The following ELOVL6 variants were observed in gnomAD, a reference collection of about 807,000 sequenced individuals.
ELOVL6 encodes the protein ELOVL fatty acid elongase 6.
In ELOVL6, 8 loss-of-function variants were observed where a neutral mutation model predicts 31.7. That is an observed-to-expected ratio of 0.25 (90% CI 0.15 to 0.45). ELOVL6 has a LOEUF of 0.45. Among genes scored for constraint, ELOVL6 ranks in the 20% least tolerant of loss-of-function variants. The pLI is 1.00. For synonymous variants in ELOVL6, 101 were observed against 117.7 expected (o/e 0.86, Z 0.92); for missense variants, 126 against 326.4 (o/e 0.39, Z 4.73).
intron 1 of ELOVL6, among the ~76,000 whole-genome samples, chr4:110,150,565 C>G (rs1372512436): frequency 6.6e-6 from 1 of 151,994 alleles, no homozygotes; most frequent in Non-Finnish European, 1.5e-5. Flanking sequence ...AAAATATTGT[C>G]AAAAATACTC....
At chr4:110,096,802 C>A (rs1756591439) in intron 2 of ELOVL6, among the ~76,000 whole-genome samples, 2 of 151,968 alleles carry the variant, frequency 1.3e-5, no homozygotes, top group African/African-American at 4.8e-5. Context: ...TATGTTACTG[C>A]ATGTATAGGT....
intron 1 of ELOVL6, among the ~76,000 whole-genome samples, chr4:110,144,935 T>C (rs72900532): frequency 6.6e-6 from 1 of 152,058 alleles, no homozygotes; most frequent in Non-Finnish European, 1.5e-5. Context: ...CAATCACCTC[T>C]CTTTTTCTGG....
chr4:110,157,640 C>T (rs1758488500), intron 1 of ELOVL6, among the ~76,000 whole-genome samples: 1 of 151,312 alleles, frequency 6.6e-6, no homozygotes. Flanking sequence ...CACTGCACTC[C>T]AGCCTGGGTG....
At chr4:110,197,671 A>G (rs1759849942) in intron 1 of ELOVL6, among the ~76,000 whole-genome samples, 3 of 152,032 alleles carry the variant, frequency 2.0e-5, no homozygotes, top group Admixed American at 2.0e-4. Context: ...GGTACTAAAA[A>G]GGGGGCATCC....
intron 1 of ELOVL6, among the ~76,000 whole-genome samples, chr4:110,148,820 T>C (rs1415463302): frequency 6.6e-6 from 1 of 152,080 alleles, no homozygotes; most frequent in Non-Finnish European, 1.5e-5. Context: ...AAATAACAGA[T>C]GTTGGTAAGG....
At chr4:110,191,592 A>G (rs893635420) in intron 1 of ELOVL6, among the ~76,000 whole-genome samples, 1 of 152,214 alleles carries the variant, frequency 6.6e-6, no homozygotes, top group African/African-American at 2.4e-5. Flanking sequence ...ATTTCAGAAA[A>G]TAAAATACTT....
intron 1 of ELOVL6, among the ~76,000 whole-genome samples, chr4:110,157,560 A>G (rs1758486161): frequency 7.2e-6 from 1 of 138,954 alleles, no homozygotes; most frequent in Non-Finnish European, 1.7e-5. Context: ...AGTCCCAGCT[A>G]CTCATGAGGC....
At chr4:110,186,705 A>C (rs1224337186) in intron 1 of ELOVL6, among the ~76,000 whole-genome samples, 1 of 150,324 alleles carries the variant, frequency 6.7e-6, no homozygotes, top group Non-Finnish European at 1.5e-5. Context: ...TCAGGAAGCT[A>C]AGGTGGGAGA....
intron 2 of ELOVL6, among the ~76,000 whole-genome samples, chr4:110,078,935 C>T (rs544376317): frequency 7.3e-4 from 111 of 152,228 alleles, no homozygotes; most frequent in African/African-American, 2.5e-3. Flanking sequence ...GCAGAGGTTG[C>T]AATCCTAGTC....
chr4:110,079,636 C>G (rs1422535175), intron 2 of ELOVL6, among the ~76,000 whole-genome samples: 2 of 152,032 alleles, frequency 1.3e-5, no homozygotes, highest in African/African-American at 4.8e-5. Context: ...CAAGAGAAAG[C>G]AGAAAAGATC....
At chr4:110,088,332 C>G (rs1287700252) in intron 2 of ELOVL6, among the ~76,000 whole-genome samples, 1 of 152,202 alleles carries the variant, frequency 6.6e-6, no homozygotes, top group Non-Finnish European at 1.5e-5. Flanking sequence ...CTTGGGCATA[C>G]AGTACACTCC....
chr4:110,179,393 C>G (rs1158408992), intron 1 of ELOVL6, among the ~76,000 whole-genome samples: 1 of 152,174 alleles, frequency 6.6e-6, no homozygotes, highest in Non-Finnish European at 1.5e-5. Flanking sequence ...GTAATCCCAG[C>G]TACTCAGGAG....
chr4:110,142,066 C>CTTT (rs34800709), intron 1 of ELOVL6, among the ~76,000 whole-genome samples: 3 of 74,374 alleles, frequency 4.0e-5, no homozygotes, highest in East Asian at 4.4e-4. Flanking sequence ...CCCTTACTAA[C>CTTT]TTTTTTTTTT....
intron 1 of ELOVL6, chr4:110,146,499 G>A (rs1297961595): frequency 6.5e-6 from 1 of 152,938 alleles, no homozygotes; most frequent in African/African-American, 2.4e-5. Context: ...AAGCCACTAA[G>A]TATCTGAAAA....
intron 2 of ELOVL6, among the ~76,000 whole-genome samples, chr4:110,068,878 C>T (rs952585630): frequency 1.3e-5 from 2 of 152,180 alleles, no homozygotes; most frequent in African/African-American, 4.8e-5. Context: ...GTCCATGGCT[C>T]ACGCCTGTAA....
At position 110,121,860 on chromosome 4, in the gene ELOVL6, G is replaced by GAGAGAAATCTGTAAGAAAAGGTCTCC. The variant is rs563849039; in HGVS notation, c.90-16258_90-16233dup. Among the ~76,000 whole-genome samples, 1,088 of 151,898 alleles carry GAGAGAAATCTGTAAGAAAAGGTCTCC rather than the reference G, an allele frequency of 7.2e-3. 17 individuals carry two copies. Among genetic ancestry groups the GAGAGAAATCTGTAAGAAAAGGTCTCC allele is most frequent in the African/African-American group, 0.025 (1,038 of 41,240 alleles). On this transcript the variant is annotated intron_variant, in intron 1 of 3. Coordinates refer to ENST00000302274, the MANE Select transcript of ELOVL6 (RefSeq NM_024090.3). ...TCATAAGGCTTAATTTTTGGACATA[G>GAGAGAAATCTGTAAGAAAAGGTCTCC]AGAGAAATCTGTAAGAAAAGGTCTC...
chr4:110,084,134 A>T lies in ELOVL6; in HGVS notation c.221+21363T>A, dbSNP rs1395170418. 1.3e-4 allele frequency among the ~76,000 whole-genome samples: 6 copies of T among 45,960 alleles called. 1 individual carries two copies. The highest frequency in any genetic ancestry group is 3.2e-4 in the Admixed American group (1 of 3,098). The allele number at this position is 45,960 out of a possible 152,430, so 30.2% of individuals were successfully genotyped here. A position where few individuals can be genotyped will look rare whatever the true frequency, so the allele number is the denominator to read the frequency against. ...ATGATATATATAACATATATGTGAT[A>T]ATGATATATATGATATATATAACAT... On this transcript the variant is annotated intron_variant, in intron 2 of 3. Transcript: ENST00000302274.
chr4:110,192,800 G>C (rs974296926), intron 1 of ELOVL6, among the ~76,000 whole-genome samples: 4 of 152,066 alleles, frequency 2.6e-5, no homozygotes, highest in African/African-American at 9.7e-5. Flanking sequence ...TAGTACATAT[G>C]CCTACATCCC....
chr4:110,186,818 A>AT (rs1281972762), intron 1 of ELOVL6, among the ~76,000 whole-genome samples: 569 of 100,990 alleles, frequency 5.6e-3, no homozygotes, highest in East Asian at 0.01. Flanking sequence ...AAAAAAAAAA[A>AT]AAAAATATAT....
Sources: allele counts gnomAD v4.1 joint callset (sites outside exome capture counted in the v4.1 genomes callset), GRCh38; gene constraint gnomAD v4.1.1; transcripts MANE v1.5; gene names NCBI Gene and HGNC (gene_info 2026-07-23, HGNC 2026-07-21).